The following GRK3 variants were observed in gnomAD, a reference collection of about 807,000 sequenced individuals.
GRK3 encodes the protein adrenergic, beta, receptor kinase 2.
In GRK3, 54 loss-of-function variants were observed where a neutral mutation model predicts 95.7. The observed-to-expected ratio is 0.56, with a 90% CI of 0.45 to 0.71. The LOEUF is 0.71. GRK3 is among the 30% of genes least tolerant of loss of function. The pLI is 0.00. For synonymous variants in GRK3, 281 were observed against 290.8 expected (o/e 0.97, Z 0.34); for missense variants, 649 against 851.2 (o/e 0.76, Z 2.96).
At chr22:25,648,940 A>G (rs564810563) in intron 3 of GRK3, 10 of 893,660 alleles carry the variant, frequency 1.1e-5, no homozygotes, top group East Asian at 4.8e-5. Flanking sequence ...GTTGCACTGT[A>G]TGGTGGGTTT....
chr22:25,601,262 T>A (rs2084407811), intron 1 of GRK3, among the ~76,000 whole-genome samples: 1 of 152,164 alleles, frequency 6.6e-6, no homozygotes, highest in Non-Finnish European at 1.5e-5. Flanking sequence ...TTCTAGGCAA[T>A]AAAACACATA....
At chr22:25,636,624 T>C (rs1382276748) in intron 2 of GRK3, among the ~76,000 whole-genome samples, 2 of 152,188 alleles carry the variant, frequency 1.3e-5, no homozygotes, top group African/African-American at 4.8e-5. Context: ...TTCTGATAAA[T>C]GTATTGACCC....
intron 13 of GRK3, among the ~76,000 whole-genome samples, chr22:25,700,836 C>T (rs540463929): frequency 4.6e-5 from 7 of 152,318 alleles, no homozygotes; most frequent in African/African-American, 1.7e-4. Context: ...CCACCTGCCT[C>T]GGCCTCCCAA....
chr22:25,593,246 G>T (rs914482014), intron 1 of GRK3, among the ~76,000 whole-genome samples: 1 of 151,104 alleles, frequency 6.6e-6, no homozygotes, highest in Non-Finnish European at 1.5e-5. Context: ...TAAGTTTTTT[G>T]GGAAATCTCC....
chr22:25,647,335 T>G, intron 3 of GRK3: 1 of 1,252,728 alleles, frequency 8.0e-7, no homozygotes, highest in Non-Finnish European at 1.2e-6. Context: ...AGCCTGTCAG[T>G]ACAAGGGTGA....
intron 14 of GRK3, 133 bp downstream of exon 14, chr22:25,703,709 C>A: frequency 1.5e-6 from 1 of 652,378 alleles, no homozygotes; most frequent in Non-Finnish European, 2.4e-6. Flanking sequence ...TAAAAATTTG[C>A]TTTCTTGAAA....
chr22:25,667,650 A>G (rs768516658), intron 5 of GRK3, 89 bp from the exon 6 acceptor site: 27 of 872,006 alleles, frequency 3.1e-5, no homozygotes, highest in Non-Finnish European at 5.1e-5. Flanking sequence ...CATAATTGGG[A>G]ACTTCGCTTA....
intron 1 of GRK3, among the ~76,000 whole-genome samples, chr22:25,567,044 A>T (rs897271740): frequency 1.3e-5 from 2 of 151,984 alleles, no homozygotes; most frequent in Non-Finnish European, 2.9e-5. Flanking sequence ...TAGGGTGTTC[A>T]CTTCCTTGTA....
chr22:25,700,906 A>G (rs2085254028), intron 13 of GRK3, among the ~76,000 whole-genome samples: 1 of 152,148 alleles, frequency 6.6e-6, no homozygotes, highest in Admixed American at 6.5e-5. Context: ...TTTGAAATTA[A>G]CTTTTGATGT....
intron 13 of GRK3, among the ~76,000 whole-genome samples, chr22:25,695,748 G>C (rs1404973283): frequency 2.0e-5 from 3 of 151,742 alleles, no homozygotes; most frequent in Admixed American, 2.0e-4. Context: ...CTGTAGCCTC[G>C]ACCTCCTGGG....
At chr22:25,686,000 C>T (rs2085110401) in intron 10 of GRK3, among the ~76,000 whole-genome samples, 1 of 151,434 alleles carries the variant, frequency 6.6e-6, no homozygotes, top group Non-Finnish European at 1.5e-5. Context: ...GCGGGCGGAT[C>T]AATGAGGTCA....
At chr22:25,702,193 C>T (rs2085264357) in intron 13 of GRK3, among the ~76,000 whole-genome samples, 1 of 151,428 alleles carries the variant, frequency 6.6e-6, no homozygotes, top group African/African-American at 2.4e-5. Flanking sequence ...CTCTCTTGTA[C>T]AAAAAGAAAA....
At chr22:25,707,794 G>A (rs191852398) in intron 15 of GRK3, among the ~76,000 whole-genome samples, 1 of 152,240 alleles carries the variant, frequency 6.6e-6, no homozygotes, top group African/African-American at 2.4e-5. Context: ...GAAGTGGGAT[G>A]GGGCTGCAGG....
chr22:25,699,689 CT>C (rs1413894615), intron 13 of GRK3, among the ~76,000 whole-genome samples: 56 of 148,678 alleles, frequency 3.8e-4, no homozygotes, highest in African/African-American at 1.4e-3. Context: ...CTTTTCTTTT[CT>C]TTTCTTTTCT....
At chr22:25,636,369 C>T (rs1287787048) in intron 2 of GRK3, among the ~76,000 whole-genome samples, 1 of 152,156 alleles carries the variant, frequency 6.6e-6, no homozygotes, top group Non-Finnish European at 1.5e-5. Context: ...CAAATAGATA[C>T]TCCCATTCCA....
chr22:25,586,103 G>C (rs994187834), intron 1 of GRK3, among the ~76,000 whole-genome samples: 7 of 152,216 alleles, frequency 4.6e-5, no homozygotes, highest in Non-Finnish European at 2.9e-5. Flanking sequence ...ATATCATTGT[G>C]TAGTTTATTT....
At chr22:25,684,216 G>C (rs1012423882) in intron 9 of GRK3, among the ~76,000 whole-genome samples, 1 of 152,144 alleles carries the variant, frequency 6.6e-6, no homozygotes, top group Non-Finnish European at 1.5e-5. Flanking sequence ...TGGTCTACTT[G>C]TCTGTCCTTG....
intron 3 of GRK3, chr22:25,649,195 C>T: frequency 7.5e-7 from 1 of 1,329,568 alleles, no homozygotes; most frequent in South Asian, 1.2e-5. Flanking sequence ...GACTACTTCA[C>T]TGCTACAGAG....
chr22:25,648,311 G>C, intron 3 of GRK3: 1 of 1,061,954 alleles, frequency 9.4e-7, no homozygotes, highest in East Asian at 2.4e-5. Flanking sequence ...TGCAGAAATT[G>C]GCAAAACACT....
Sources: allele counts gnomAD v4.1 joint callset (sites outside exome capture counted in the v4.1 genomes callset), GRCh38; gene constraint gnomAD v4.1.1; transcripts MANE v1.5; gene names NCBI Gene and HGNC (gene_info 2026-07-23, HGNC 2026-07-21).